B4GALT6: variants seen among roughly 807,000 people sequenced by gnomAD.
B4GALT6 encodes UDP-Gal:beta-GlcNAc beta-1,4-galactosyltransferase 6.
A neutral mutation model predicts 46.3 loss-of-function variants in B4GALT6; 14 were observed. The observed-to-expected ratio is 0.30, with a 90% CI of 0.20 to 0.47. The LOEUF is 0.47. B4GALT6 is among the 20% of genes least tolerant of loss of function. The pLI, the probability that B4GALT6 is intolerant of heterozygous loss-of-function variation, is 0.99. For missense variants in B4GALT6, 386 were observed against 480.1 expected, an observed-to-expected ratio of 0.80 and a Z score of 1.83; for synonymous variants, 168 against 162.0, an observed-to-expected ratio of 1.04 and a Z score of -0.28.
At chr18:31,684,751 G>A (rs2074525411), upstream of B4GALT6, 2 of 1,085,120 alleles carry the variant, frequency 1.8e-6, no homozygotes, top group Non-Finnish European at 2.3e-6. Flanking sequence ...CGTTTTCTCC[G>A]CCAAGCAGCG....
intron 5 of B4GALT6, among the ~76,000 whole-genome samples, chr18:31,637,332 T>C (rs2073871969): frequency 6.6e-6 from 1 of 152,030 alleles, no homozygotes. Context: ...AATCATAGAA[T>C]CTCAAATTTG....
chr18:31,704,907 C>T, the B4GALT6 span, among the ~76,000 whole-genome samples: 1 of 152,112 alleles, frequency 6.6e-6, no homozygotes, highest in South Asian at 2.1e-4. Flanking sequence ...TGTACATAGG[C>T]ATACAAAGTT....
intron 2 of B4GALT6, among the ~76,000 whole-genome samples, chr18:31,662,505 A>G (rs1224730605): frequency 6.6e-6 from 1 of 152,246 alleles, no homozygotes; most frequent in Non-Finnish European, 1.5e-5. Context: ...AAATGATAAT[A>G]CAGCCAATAA....
At chr18:31,669,233 G>A (rs527390475) in intron 1 of B4GALT6, among the ~76,000 whole-genome samples, 17 of 152,070 alleles carry the variant, frequency 1.1e-4, no homozygotes, top group African/African-American at 3.6e-4. Flanking sequence ...CATAACTTAC[G>A]TAATTTTCGA....
chr18:31,709,344 C>T, the B4GALT6 span, among the ~76,000 whole-genome samples: 1 of 151,044 alleles, frequency 6.6e-6, no homozygotes, highest in African/African-American at 2.4e-5. Flanking sequence ...GGATTACAGG[C>T]ATGCACCACC....
chr18:31,645,275 C>G, intron 4 of B4GALT6, 80 bp downstream of exon 4: 1 of 1,550,720 alleles, frequency 6.4e-7, no homozygotes, highest in East Asian at 2.2e-5. Context: ...AGACATTTGT[C>G]TCTGTATTCT....
intron 1 of B4GALT6, among the ~76,000 whole-genome samples, chr18:31,678,439 C>T (rs901587055): frequency 6.6e-6 from 1 of 150,938 alleles, no homozygotes; most frequent in African/African-American, 2.4e-5. Context: ...TACAGTATTC[C>T]TTCAAACTGA....
At chr18:31,695,957 C>T in the B4GALT6 span, among the ~76,000 whole-genome samples, 1 of 152,138 alleles carries the variant, frequency 6.6e-6, no homozygotes, top group Non-Finnish European at 1.5e-5. Context: ...AAGAACATGA[C>T]ATATGAAAGG....
intron 2 of B4GALT6, among the ~76,000 whole-genome samples, chr18:31,658,871 A>G (rs570134953): frequency 6.6e-6 from 1 of 152,200 alleles, no homozygotes; most frequent in African/African-American, 2.4e-5. Context: ...GAAATAGCTA[A>G]TAACTGTAGC....
At chr18:31,662,897 G>C (rs2074236388) in intron 2 of B4GALT6, among the ~76,000 whole-genome samples, 1 of 152,140 alleles carries the variant, frequency 6.6e-6, no homozygotes, top group African/African-American at 2.4e-5. Flanking sequence ...AAAGTTGTTA[G>C]GTGAGCAATG....
At chr18:31,684,859 C>T, upstream of B4GALT6, 1 of 813,512 alleles carries the variant, frequency 1.2e-6, no homozygotes, top group Non-Finnish European at 1.5e-6. Flanking sequence ...GGCTCCGCTG[C>T]CCGCGCCCGG....
the B4GALT6 span, among the ~76,000 whole-genome samples, chr18:31,690,977 G>A: frequency 3.3e-5 from 5 of 151,898 alleles, no homozygotes; most frequent in Admixed American, 6.6e-5. Context: ...ACCACACACC[G>A]GAGCCTGTCA....
chr18:31,649,873 G>A (rs2074043742), intron 3 of B4GALT6, among the ~76,000 whole-genome samples: 1 of 152,194 alleles, frequency 6.6e-6, no homozygotes, highest in Non-Finnish European at 1.5e-5. Context: ...ACATAAAACA[G>A]AACTACCATT....
upstream of B4GALT6, chr18:31,685,554 C>A (rs1052310890): frequency 6.6e-6 from 1 of 152,060 alleles, no homozygotes; most frequent in Non-Finnish European, 1.5e-5. Context: ...CTGATAGGCC[C>A]GCGCCCAGCA....
rs909113890 is a variant in B4GALT6, at chr18:31,623,655, C to T, written c.*1959G>A. 4.6e-5 allele frequency: 7 copies of T among 152,094 alleles called. No homozygotes were observed. The highest frequency in any genetic ancestry group is 7.3e-5 in the African/African-American group (3 of 41,378). 9.4% of individuals were successfully genotyped at this position (152,094 alleles called of 1,614,324 possible). On this transcript the variant is annotated 3_prime_UTR_variant, in exon 9 of 9. Coordinates refer to ENST00000306851, the MANE Select transcript of B4GALT6 (RefSeq NM_004775.5). ...ATAATTTTCAGAAGGTTTGATTTTT[C>T]GAGTACCATAAAAAAACTGAAATAT...
At chr18:31,695,448 G>A in the B4GALT6 span, among the ~76,000 whole-genome samples, 17 of 152,064 alleles carry the variant, frequency 1.1e-4, no homozygotes, top group Non-Finnish European at 1.9e-4. Context: ...ATTCTTTGTA[G>A]TGGAACCCCC....
chr18:31,689,270 C>T (rs71361340), upstream of B4GALT6, among the ~76,000 whole-genome samples: 20,891 of 151,996 alleles, frequency 0.14, 1,465 homozygotes, highest in Middle Eastern at 0.17. Context: ...AATCCTAGGC[C>T]GACTGGAAAA....
At chr18:31,652,467 T>A (rs2074083829) in intron 3 of B4GALT6, among the ~76,000 whole-genome samples, 1 of 151,918 alleles carries the variant, frequency 6.6e-6, no homozygotes, top group African/African-American at 2.4e-5. Context: ...CTGTCTCCCC[T>A]TCTTCTGTTA....
chr18:31,695,648 G>C, the B4GALT6 span, among the ~76,000 whole-genome samples: 1 of 152,348 alleles, frequency 6.6e-6, no homozygotes, highest in African/African-American at 2.4e-5. Flanking sequence ...TTACAGCCCT[G>C]AGCTGCCAAT....
Sources: allele counts gnomAD v4.1 joint callset (sites outside exome capture counted in the v4.1 genomes callset), GRCh38; gene constraint gnomAD v4.1.1; transcripts MANE v1.5; gene names NCBI Gene and HGNC (gene_info 2026-07-23, HGNC 2026-07-21).